The following GRIP1 variants were observed in gnomAD, a reference collection of about 807,000 sequenced individuals.
GRIP1 encodes glutamate receptor interacting protein 1, also known as glutamate receptor-interacting protein 1.
GRIP1 carries 45 observed loss-of-function variants against 129.9 expected under a neutral mutation model. The observed-to-expected ratio is 0.35, with a 90% confidence interval of 0.27 to 0.44. GRIP1 has a LOEUF of 0.44. Among genes scored for constraint, GRIP1 ranks in the 20% least tolerant of loss-of-function variants. The pLI, the probability that GRIP1 is intolerant of heterozygous loss-of-function variation, is 1.00. For synonymous variants in GRIP1, 530 were observed against 520.8 expected (o/e 1.02, Z -0.24); for missense variants, 1,196 against 1,396.8 (o/e 0.86, Z 2.29).
At chr12:66,542,012 CTCCCCAGAAGT>C in intron 2 of GRIP1, 62 bp from the exon 3 acceptor site, 1 of 1,477,114 alleles carries the variant, frequency 6.8e-7, no homozygotes, top group Non-Finnish European at 9.5e-7. Flanking sequence ...GTCATTTCTC[CTCCCCAGAAGT>C]TCTTTCCACT....
At chr12:66,600,123 C>G (rs2064214990) in intron 1 of GRIP1, among the ~76,000 whole-genome samples, 1 of 152,214 alleles carries the variant, frequency 6.6e-6, no homozygotes, top group South Asian at 2.1e-4. Context: ...CCCTCCTCCA[C>G]ATATTTGTTG....
chr12:66,964,210 T>A (rs541464344), intron 1 of GRIP1, among the ~76,000 whole-genome samples: 1 of 152,272 alleles, frequency 6.6e-6, no homozygotes, highest in Admixed American at 6.5e-5. Context: ...TATTCAGCAA[T>A]TTTTTTGTTG....
At chr12:66,774,311 T>C (rs1040336109) in intron 1 of GRIP1, among the ~76,000 whole-genome samples, 2 of 152,238 alleles carry the variant, frequency 1.3e-5, no homozygotes, top group Non-Finnish European at 2.9e-5. Flanking sequence ...GAAAATGCTC[T>C]GAAAACCAAA....
At chr12:66,597,104 GA>G (rs1398566391) in intron 1 of GRIP1, among the ~76,000 whole-genome samples, 177 bp from the exon 2 acceptor site, 1 of 152,136 alleles carries the variant, frequency 6.6e-6, no homozygotes, top group Non-Finnish European at 1.5e-5. Context: ...AAAATGTTGT[GA>G]ATATGTTTCT....
intron 1 of GRIP1, among the ~76,000 whole-genome samples, chr12:66,866,893 T>TAC (rs1164066556): frequency 6.6e-6 from 1 of 152,232 alleles, no homozygotes; most frequent in Non-Finnish European, 1.5e-5. Flanking sequence ...AATGTATATA[T>TAC]ACTTCAGAAT....
intron 4 of GRIP1, among the ~76,000 whole-genome samples, chr12:66,534,712 G>A (rs531300472): frequency 6.6e-6 from 1 of 150,528 alleles, no homozygotes; most frequent in African/African-American, 2.4e-5. Context: ...CTCTCTTTTT[G>A]AGATGGAGTC....
At chr12:66,352,055 C>T (rs903589) in intron 24 of GRIP1, among the ~76,000 whole-genome samples, 64,986 of 152,034 alleles carry the variant, frequency 0.43, 14,292 homozygotes, top group East Asian at 0.52. Flanking sequence ...AGAGCCAATG[C>T]GCTTCTATTC....
At chr12:66,807,022 T>G (rs2039007050), upstream of GRIP1, among the ~76,000 whole-genome samples, 1 of 152,004 alleles carries the variant, frequency 6.6e-6, no homozygotes, top group South Asian at 2.1e-4. Flanking sequence ...GGAGGTCCAC[T>G]TGGGTCACAG....
chr12:66,359,981 AT>A (rs2054671071), intron 23 of GRIP1, among the ~76,000 whole-genome samples: 1 of 152,202 alleles, frequency 6.6e-6, no homozygotes, highest in African/African-American at 2.4e-5. Context: ...TGAATCTTTT[AT>A]CCAGTTACTT....
At chr12:66,872,959 T>C (rs777811011) in intron 1 of GRIP1, among the ~76,000 whole-genome samples, 5 of 152,106 alleles carry the variant, frequency 3.3e-5, no homozygotes, top group Non-Finnish European at 5.9e-5. Context: ...GAAGAGTGAC[T>C]TATGGCTGAG....
intron 2 of GRIP1, among the ~76,000 whole-genome samples, chr12:66,579,952 T>C (rs1253558491): frequency 1.4e-5 from 2 of 147,540 alleles, no homozygotes; most frequent in Non-Finnish European, 3.0e-5. Flanking sequence ...AGACACATAA[T>C]TGTCAGATTC....
At chr12:66,641,850 T>C (rs1434885191) in intron 1 of GRIP1, among the ~76,000 whole-genome samples, 1 of 152,200 alleles carries the variant, frequency 6.6e-6, no homozygotes, top group Non-Finnish European at 1.5e-5. Context: ...ACTGAACATA[T>C]GCGAAGTAGA....
intron 1 of GRIP1, among the ~76,000 whole-genome samples, chr12:66,827,018 T>C (rs2039425823): frequency 6.6e-6 from 1 of 152,196 alleles, no homozygotes; most frequent in South Asian, 2.1e-4. Context: ...CTTTCTTCCT[T>C]GAAGTCAACT....
At chr12:66,540,722 A>G (rs954637315) in intron 3 of GRIP1, among the ~76,000 whole-genome samples, 1 of 152,224 alleles carries the variant, frequency 6.6e-6, no homozygotes, top group African/African-American at 2.4e-5. Flanking sequence ...ACCTGGAATT[A>G]TGTGGATATG....
At chr12:67,028,810 T>C (rs2042977257) in intron 1 of GRIP1, among the ~76,000 whole-genome samples, 1 of 152,160 alleles carries the variant, frequency 6.6e-6, no homozygotes, top group African/African-American at 2.4e-5. Context: ...ACCAGCACTT[T>C]ACAAATCAAT....
chr12:66,639,110 A>G (rs11176348), intron 1 of GRIP1, among the ~76,000 whole-genome samples: 11,229 of 152,268 alleles, frequency 0.074, 538 homozygotes, highest in East Asian at 0.12. Context: ...ATATATACAT[A>G]TGTGTAAATA....
At chr12:66,504,445 G>A (rs1315692564) in intron 7 of GRIP1, among the ~76,000 whole-genome samples, 1 of 152,154 alleles carries the variant, frequency 6.6e-6, no homozygotes, top group East Asian at 1.9e-4. Context: ...TTGGTCTAGT[G>A]GCTTGAATCT....
chr12:66,947,722 C>T lies in GRIP1; in HGVS notation c.58+121328G>A, dbSNP rs190913616. The stretch of plus-strand genomic sequence containing the variant: ...CAAGAATTCTAACCAAAATTTTAGC[C>T]GCTGTTCAGCATCTTTTCAATAGTA... On this transcript the variant is annotated intron_variant, in intron 1 of 1. Transcript: ENST00000643019. 2.0e-5 allele frequency among the ~76,000 whole-genome samples: 3 copies of T among 152,296 alleles called. No individual in the cohort carries two copies. In the East Asian group the frequency reaches 5.8e-4, roughly 29 times the overall value.
intron 1 of GRIP1, among the ~76,000 whole-genome samples, chr12:66,773,078 C>A (rs2037870740): frequency 1.3e-5 from 2 of 152,088 alleles, no homozygotes; most frequent in African/African-American, 4.8e-5. Flanking sequence ...GGGTAGGGGT[C>A]CACACAATGG....
Sources: allele counts gnomAD v4.1 joint callset (sites outside exome capture counted in the v4.1 genomes callset), GRCh38; gene constraint gnomAD v4.1.1; transcripts MANE v1.5; gene names NCBI Gene and HGNC (gene_info 2026-07-23, HGNC 2026-07-21).